Variants in RUNDC3B observed in about 807,000 individuals in gnomAD.
RUNDC3B encodes RUN domain containing 3B, also known as RUN domain-containing protein 3B.
RUNDC3B carries 33 observed loss-of-function variants against 58.4 expected under a neutral mutation model. That is an observed-to-expected ratio of 0.56 (90% CI 0.43 to 0.75). The LOEUF (loss-of-function observed/expected upper bound fraction) is 0.75, where lower values mean the gene tolerates loss of function less well. Among genes scored for constraint, RUNDC3B ranks in the 30% least tolerant of loss-of-function variants. RUNDC3B has a pLI of 0.00. For missense variants in RUNDC3B, 501 were observed against 535.7 expected, an observed-to-expected ratio of 0.94 and a Z score of 0.64; for synonymous variants, 193 against 195.2, an observed-to-expected ratio of 0.99 and a Z score of 0.10.
At chr7:87,705,860 T>C (rs1362685502) in intron 3 of RUNDC3B, among the ~76,000 whole-genome samples, 1 of 152,156 alleles carries the variant, frequency 6.6e-6, no homozygotes, top group Non-Finnish European at 1.5e-5. Flanking sequence ...TTGCAGATAT[T>C]TACATTGGGT....
chr7:87,659,320 G>T (rs1193605998), intron 2 of RUNDC3B: 4 of 299,320 alleles, frequency 1.3e-5, no homozygotes, highest in East Asian at 1.1e-4. Context: ...TCTTCTAGGG[G>T]GCTGTTTGAA....
intron 4 of RUNDC3B, among the ~76,000 whole-genome samples, chr7:87,712,420 G>T (rs916519759): frequency 4.6e-5 from 7 of 152,112 alleles, no homozygotes; most frequent in African/African-American, 1.7e-4. Flanking sequence ...TATCAGAATC[G>T]AGTAGCTCAA....
intron 4 of RUNDC3B, among the ~76,000 whole-genome samples, chr7:87,733,926 T>C (rs1027975020): frequency 1.3e-5 from 2 of 152,158 alleles, no homozygotes; most frequent in Admixed American, 1.3e-4. Context: ...ATCTACAATG[T>C]ATATGAAGAA....
chr7:87,733,346 G>C (rs1831713062), intron 4 of RUNDC3B, among the ~76,000 whole-genome samples: 3 of 152,096 alleles, frequency 2.0e-5, no homozygotes, highest in Non-Finnish European at 4.4e-5. Context: ...ATCCTGCATG[G>C]AATTTTGTAT....
chr7:87,745,635 T>C (rs1563180377), intron 6 of RUNDC3B, among the ~76,000 whole-genome samples: 1 of 152,172 alleles, frequency 6.6e-6, no homozygotes, highest in South Asian at 2.1e-4. Flanking sequence ...GATCTTTTGT[T>C]TTCAGTGGTG....
intron 6 of RUNDC3B, among the ~76,000 whole-genome samples, chr7:87,744,982 A>T (rs1338138617): frequency 1.3e-5 from 2 of 152,188 alleles, no homozygotes; most frequent in African/African-American, 4.8e-5. Context: ...ACATCAAGGT[A>T]GGTCCCTTGT....
At chr7:87,785,711 A>G (rs959065116) in intron 8 of RUNDC3B, among the ~76,000 whole-genome samples, 1 of 152,138 alleles carries the variant, frequency 6.6e-6, no homozygotes, top group Non-Finnish European at 1.5e-5. Flanking sequence ...TGCAGTCAGT[A>G]GGGGCTCCAG....
chr7:87,720,803 T>C (rs1830837475), intron 4 of RUNDC3B, among the ~76,000 whole-genome samples: 1 of 151,696 alleles, frequency 6.6e-6, no homozygotes, highest in African/African-American at 2.4e-5. Flanking sequence ...GGTTTCACCA[T>C]GTCAGTCAGG....
rs1379777287 is a variant in RUNDC3B at position 87,831,892 on chromosome 7, T to G, written c.*1862T>G. 6.6e-6 allele frequency: 1 copy of G among 152,000 alleles called. No individual in the cohort carries two copies. Among genetic ancestry groups the G allele is most frequent in the Non-Finnish European group, 1.5e-5 (1 of 67,918 alleles). The allele number at this position is 152,000 out of a possible 1,614,324, so 9.4% of individuals were successfully genotyped here. A position where few individuals can be genotyped will look rare whatever the true frequency, so the allele number is the denominator to read the frequency against. On this transcript the variant is annotated 3_prime_UTR_variant, in exon 11 of 11. Transcript: ENST00000394654. ...TAATTAAACAATGGTTTTACATACA[T>G]TTTTATAATGTAGAAGGAAATTCAA...
At chr7:87,720,156 A>G (rs1461123636) in intron 4 of RUNDC3B, among the ~76,000 whole-genome samples, 1 of 152,296 alleles carries the variant, frequency 6.6e-6, no homozygotes, top group East Asian at 1.9e-4. Context: ...AAAATTTGAT[A>G]GAAACATAAG....
At chr7:87,658,047 T>G (rs2130428945) in intron 2 of RUNDC3B, among the ~76,000 whole-genome samples, 1 of 152,270 alleles carries the variant, frequency 6.6e-6, no homozygotes, top group Middle Eastern at 3.4e-3. Flanking sequence ...GATCTCAGAT[T>G]GCATAATAAA....
At chr7:87,629,574 A>G (rs567837328) in intron 1 of RUNDC3B, among the ~76,000 whole-genome samples, 5 of 152,294 alleles carry the variant, frequency 3.3e-5, no homozygotes, top group African/African-American at 1.2e-4. Context: ...GCCTTTCCTT[A>G]ATGCTTTATA....
At chr7:87,644,848 TAAAG>T (rs1822822923) in intron 1 of RUNDC3B, among the ~76,000 whole-genome samples, 2 of 151,900 alleles carry the variant, frequency 1.3e-5, no homozygotes. Context: ...CTATAGACAT[TAAAG>T]AAAATTATTT....
In RUNDC3B at chr7:87,748,485, G is replaced by A. The variant is rs570846898; in HGVS notation, c.629+6906G>A. Among the ~76,000 whole-genome samples, 11 of 152,238 alleles carry A rather than the reference G, an allele frequency of 7.2e-5. No homozygotes were observed. The South Asian group carries it at 2.3e-3, about 32-fold the overall frequency. On this transcript the variant is annotated intron_variant, in intron 6 of 10. Coordinates refer to ENST00000394654, the MANE Select transcript of RUNDC3B (RefSeq NM_001134405.2). ...CTGCTCTGTCTAGAGCTGACATCTA[G>A]TCCTGCTTTCTGTCCTCCATGATGA...
intron 2 of RUNDC3B, among the ~76,000 whole-genome samples, chr7:87,697,711 A>G (rs563156892): frequency 1.3e-5 from 2 of 152,360 alleles, no homozygotes; most frequent in African/African-American, 4.8e-5. Flanking sequence ...ACTCTTTGCT[A>G]CTTGCTGCAC....
chr7:87,646,462 T>G (rs1823013165), intron 1 of RUNDC3B, among the ~76,000 whole-genome samples: 1 of 152,114 alleles, frequency 6.6e-6, no homozygotes, highest in African/African-American at 2.4e-5. Context: ...AATATAAGTT[T>G]TGGTGTATTT....
intron 7 of RUNDC3B, among the ~76,000 whole-genome samples, chr7:87,777,066 T>C (rs1009330946): frequency 6.6e-6 from 1 of 152,112 alleles, no homozygotes; most frequent in African/African-American, 2.4e-5. Flanking sequence ...ATTCAATAAG[T>C]TTTCCCAGAA....
intron 3 of RUNDC3B, among the ~76,000 whole-genome samples, chr7:87,703,910 TTTGG>T (rs1829337334): frequency 1.1e-4 from 11 of 102,194 alleles, no homozygotes; most frequent in Non-Finnish European, 1.6e-4. Flanking sequence ...TTTTTTTTTT[TTTGG>T]TTTTTTTTTT....
chr7:87,685,477 T>C (rs1827363799), intron 2 of RUNDC3B, among the ~76,000 whole-genome samples: 1 of 152,096 alleles, frequency 6.6e-6, no homozygotes, highest in African/African-American at 2.4e-5. Flanking sequence ...CTGTTGTATG[T>C]TCATACACTG....
Sources: allele counts gnomAD v4.1 joint callset (sites outside exome capture counted in the v4.1 genomes callset), GRCh38; gene constraint gnomAD v4.1.1; transcripts MANE v1.5; gene names NCBI Gene and HGNC (gene_info 2026-07-23, HGNC 2026-07-21).